Variants in CDK19 observed in about 807,000 individuals in gnomAD.
The protein encoded by CDK19 is cyclin-dependent kinase 19.
A neutral mutation model predicts 68.3 loss-of-function variants in CDK19; 20 were observed. The ratio of observed to expected loss-of-function variants is 0.29; its 90% CI spans 0.21 to 0.43. CDK19 has a LOEUF of 0.43. Among genes scored for constraint, CDK19 ranks in the 20% least tolerant of loss-of-function variants. The probability of loss-of-function intolerance (pLI) is 1.00; values close to 1 mark genes in which losing one functional copy is unlikely to be tolerated. For synonymous variants in CDK19, 221 were observed against 222.8 expected (o/e 0.99, Z 0.07); for missense variants, 339 against 623.5 (o/e 0.54, Z 4.86).
chr6:110,814,893 C>T, intron 1 of CDK19, 116 bp downstream of exon 1: 1 of 1,390,900 alleles, frequency 7.2e-7, no homozygotes, highest in Non-Finnish European at 9.9e-7. Flanking sequence ...AACCCCGCGA[C>T]CCCCTCCGCC....
chr6:110,732,079 T>C (rs1371280580), intron 2 of CDK19, among the ~76,000 whole-genome samples: 2 of 149,736 alleles, frequency 1.3e-5, no homozygotes, highest in Non-Finnish European at 3.0e-5. Context: ...CCACCCACCT[T>C]GGCTCTTTTG....
intron 4 of CDK19, chr6:110,645,908 T>C: frequency 1.2e-6 from 1 of 860,584 alleles, no homozygotes; most frequent in Non-Finnish European, 1.9e-6. Flanking sequence ...TCCTGCGAAC[T>C]GTGCCGGGAC....
intron 6 of CDK19, among the ~76,000 whole-genome samples, chr6:110,631,715 C>A (rs1207230726): frequency 6.6e-6 from 1 of 152,198 alleles, no homozygotes; most frequent in Non-Finnish European, 1.5e-5. Context: ...CAATTCTCAA[C>A]TTCTCTCCAG....
intron 4 of CDK19, among the ~76,000 whole-genome samples, chr6:110,644,376 G>C (rs1433644141): frequency 6.6e-6 from 1 of 152,000 alleles, no homozygotes; most frequent in African/African-American, 2.4e-5. Flanking sequence ...GGGTAGTAGG[G>C]GCAGGAGAGA....
intron 2 of CDK19, chr6:110,706,632 C>G (rs1257367463): frequency 6.6e-6 from 1 of 151,630 alleles, no homozygotes; most frequent in African/African-American, 2.4e-5. Flanking sequence ...CCAGGATGGT[C>G]TTGATCTCCT....
At chr6:110,753,400 T>C (rs960258921) in intron 1 of CDK19, among the ~76,000 whole-genome samples, 1 of 152,088 alleles carries the variant, frequency 6.6e-6, no homozygotes, top group Non-Finnish European at 1.5e-5. Flanking sequence ...TTTTTTATTT[T>C]TTTTTTAGAC....
rs147353329 is a variant in CDK19 at position 110,765,174 on chromosome 6, T to C, written c.129-18973A>G. Among the ~76,000 whole-genome samples the C allele has an allele frequency of 4.0e-3, 611 of 151,924 alleles. 3 individuals carry two copies. Among genetic ancestry groups the C allele is most frequent in the Middle Eastern group, 0.017 (5 of 294 alleles). ...GGCTCATGCCTATAATCTCAACACT[T>C]TGGAAGGCTGAAGTGGGAGAATTGC... On this transcript the variant is annotated intron_variant, in intron 1 of 12. Transcript: ENST00000368911.
chr6:110,755,967 ATATC>A (rs771239761), intron 1 of CDK19, among the ~76,000 whole-genome samples: 23 of 152,252 alleles, frequency 1.5e-4, no homozygotes, highest in Non-Finnish European at 2.9e-4. Flanking sequence ...AAAAAAATAT[ATATC>A]TATTATGGCC....
chr6:110,762,231 A>C (rs1273404319), intron 1 of CDK19, among the ~76,000 whole-genome samples: 1 of 152,194 alleles, frequency 6.6e-6, no homozygotes, highest in East Asian at 1.9e-4. Flanking sequence ...ACTGTCAATC[A>C]CAAAATATTC....
intron 4 of CDK19, among the ~76,000 whole-genome samples, chr6:110,649,450 T>TAGGGA (rs1780832613): frequency 1.3e-5 from 2 of 152,112 alleles, no homozygotes; most frequent in African/African-American, 4.8e-5. Context: ...GATCCTAAGT[T>TAGGGA]AGGGAAGAAT....
intron 6 of CDK19, among the ~76,000 whole-genome samples, chr6:110,631,575 T>C (rs1291828020): frequency 6.6e-6 from 1 of 152,258 alleles, no homozygotes; most frequent in Non-Finnish European, 1.5e-5. Context: ...ATAACTGTAA[T>C]GGCAAGAGAG....
intron 4 of CDK19, among the ~76,000 whole-genome samples, chr6:110,644,694 C>T (rs1008469386): frequency 2.0e-5 from 3 of 152,076 alleles, no homozygotes; most frequent in African/African-American, 7.2e-5. Flanking sequence ...CTTCTTGCCC[C>T]CGACCATGGA....
chr6:110,668,953 C>T (rs898490017), intron 3 of CDK19, among the ~76,000 whole-genome samples: 2 of 151,628 alleles, frequency 1.3e-5, no homozygotes, highest in African/African-American at 4.8e-5. Context: ...TGCTTAAGTT[C>T]TTTAAAATCA....
intron 4 of CDK19, chr6:110,645,884 C>A: frequency 1.3e-6 from 1 of 745,786 alleles, no homozygotes. Flanking sequence ...TAGACGAAAA[C>A]AGCGGCGACT....
At chr6:110,724,222 C>G (rs933582458) in intron 2 of CDK19, among the ~76,000 whole-genome samples, 2 of 151,960 alleles carry the variant, frequency 1.3e-5, no homozygotes, top group South Asian at 2.1e-4. Flanking sequence ...GGCGTGGTGG[C>G]GCATGCCTGT....
chr6:110,751,390 C>T (rs1223863794), intron 1 of CDK19, among the ~76,000 whole-genome samples: 1 of 151,986 alleles, frequency 6.6e-6, no homozygotes, highest in African/African-American at 2.4e-5. Flanking sequence ...GTGCAAGAGA[C>T]AGGTTGCATG....
intron 2 of CDK19, among the ~76,000 whole-genome samples, chr6:110,720,082 C>T (rs573266950): frequency 3.6e-4 from 54 of 150,726 alleles, no homozygotes; most frequent in African/African-American, 1.3e-3. Flanking sequence ...AACTGATTGC[C>T]CCAAGTGTTC....
chr6:110,691,782 G>C (rs1006027067), intron 2 of CDK19, among the ~76,000 whole-genome samples: 4 of 150,884 alleles, frequency 2.7e-5, no homozygotes, highest in Non-Finnish European at 4.4e-5. Flanking sequence ...TGAGTAGCTG[G>C]GATTACAGGC....
At chr6:110,676,505 T>C (rs1771547398) in intron 2 of CDK19, among the ~76,000 whole-genome samples, 1 of 152,194 alleles carries the variant, frequency 6.6e-6, no homozygotes, top group Admixed American at 6.5e-5. Flanking sequence ...GAGAAATCTT[T>C]CAAGAAAGGA....
Sources: gnomAD v4.1 joint callset for allele counts (sites outside exome capture counted in the v4.1 genomes callset) on GRCh38, gnomAD v4.1.1 for gene constraint, MANE v1.5 for transcripts, NCBI Gene and HGNC (gene_info 2026-07-23, HGNC 2026-07-21) for gene names.